MAP4K4: variants seen among roughly 807,000 people sequenced by gnomAD.
MAP4K4 encodes HPK/GCK-like kinase HGK.
In MAP4K4, 38 loss-of-function variants were observed where a neutral mutation model predicts 189.6. That is an observed-to-expected ratio of 0.20 (90% CI 0.15 to 0.26). The LOEUF is 0.26. Ranked by LOEUF, MAP4K4 falls within the 10% of genes least tolerant of loss-of-function variation. The pLI is 1.00. For missense variants in MAP4K4, 1,054 were observed against 1,726.9 expected (o/e 0.61, Z 6.91); for synonymous variants, 610 against 624.3 (o/e 0.98, Z 0.34).
At chr2:101,710,327 C>T (rs927573287) in intron 2 of MAP4K4, among the ~76,000 whole-genome samples, 15 of 152,214 alleles carry the variant, frequency 9.9e-5, no homozygotes, top group African/African-American at 3.6e-4. Flanking sequence ...CACATTTTCT[C>T]ATTTATTCTT....
chr2:101,814,094 C>A (rs1214273529), intron 3 of MAP4K4, among the ~76,000 whole-genome samples: 1 of 152,150 alleles, frequency 6.6e-6, no homozygotes, highest in African/African-American at 2.4e-5. Flanking sequence ...TTCTTCCACA[C>A]CCCAGTATTA....
exon 33 of MAP4K4, chr2:101,892,137 CAA>C (rs1258374689): frequency 1.3e-5 from 2 of 150,880 alleles, no homozygotes; most frequent in Admixed American, 6.6e-5. Context: ...AGACGTGCAA[CAA>C]AAGTTTTACC....
chr2:101,844,404 T>C (rs1478190436), intron 12 of MAP4K4, 93 bp downstream of exon 12: 2 of 1,016,842 alleles, frequency 2.0e-6, no homozygotes, highest in Non-Finnish European at 2.9e-6. Context: ...CTCTGTAGCT[T>C]CCTGGGGTAA....
At chr2:101,880,256 G>A (rs561474132) in intron 27 of MAP4K4, among the ~76,000 whole-genome samples, 56 of 152,126 alleles carry the variant, frequency 3.7e-4, no homozygotes, top group Admixed American at 1.1e-3. Flanking sequence ...TATCTAAAAA[G>A]TCATTGCCAA....
intron 2 of MAP4K4, among the ~76,000 whole-genome samples, chr2:101,769,727 G>T: frequency 6.6e-6 from 1 of 152,004 alleles, no homozygotes; most frequent in Non-Finnish European, 1.5e-5. Flanking sequence ...GGGATTACAG[G>T]TGCCCACCAC....
chr2:101,718,064 C>T (rs1334901423), intron 2 of MAP4K4, among the ~76,000 whole-genome samples: 2 of 152,064 alleles, frequency 1.3e-5, no homozygotes, highest in African/African-American at 4.8e-5. Flanking sequence ...CGAGACCAGC[C>T]TGACCAACAT....
At chr2:101,882,189 A>G (rs557686362) in intron 27 of MAP4K4, among the ~76,000 whole-genome samples, 3 of 152,352 alleles carry the variant, frequency 2.0e-5, no homozygotes, top group South Asian at 4.1e-4. Flanking sequence ...AATTCTAGAC[A>G]TACTGATAGG....
intron 3 of MAP4K4, among the ~76,000 whole-genome samples, chr2:101,809,133 A>G (rs973991939): frequency 4.6e-5 from 7 of 152,192 alleles, no homozygotes; most frequent in African/African-American, 7.2e-5. Flanking sequence ...TCTCAACTAC[A>G]TACTTCATGT....
intron 3 of MAP4K4, among the ~76,000 whole-genome samples, chr2:101,792,540 A>G (rs913602479): frequency 3.3e-5 from 5 of 152,092 alleles, no homozygotes; most frequent in African/African-American, 9.7e-5. Context: ...AGTGTAAAAT[A>G]TAGGAAAATA....
intron 8 of MAP4K4, among the ~76,000 whole-genome samples, chr2:101,834,854 T>C (rs1310191205): frequency 6.6e-6 from 1 of 152,240 alleles, no homozygotes; most frequent in Non-Finnish European, 1.5e-5. Flanking sequence ...GGCAAAACTT[T>C]ATTGATAGAA....
chr2:101,791,681 G>C (rs2092907280), intron 3 of MAP4K4, among the ~76,000 whole-genome samples: 1 of 152,154 alleles, frequency 6.6e-6, no homozygotes, highest in Non-Finnish European at 1.5e-5. Context: ...CTGATCTCTA[G>C]TGTGCTATCC....
At chr2:101,817,553 T>A (rs2095800710) in intron 3 of MAP4K4, among the ~76,000 whole-genome samples, 2 of 152,226 alleles carry the variant, frequency 1.3e-5, no homozygotes, top group Non-Finnish European at 2.9e-5. Flanking sequence ...ACATTATTTT[T>A]AGATACCAGC....
intron 10 of MAP4K4, among the ~76,000 whole-genome samples, chr2:101,841,174 C>G (rs2236931): frequency 0.61 from 93,502 of 152,072 alleles, 30,504 homozygotes; most frequent in African/African-American, 0.84. Context: ...CCCTTCCTTT[C>G]TCTTCAAGTC....
intron 15 of MAP4K4, 169 bp downstream of exon 15, chr2:101,860,033 A>G (rs2097589995): frequency 1.4e-6 from 1 of 693,636 alleles, no homozygotes; most frequent in African/African-American, 1.8e-5. Flanking sequence ...GGCCTTGCCC[A>G]AGGTTTCATA....
In MAP4K4 at chr2:101,836,207, A is replaced by G. The variant is rs138531244; in HGVS notation, c.773+229A>G. ...GTGACAAATGACCACATGAAACACT[A>G]TAACATGTCTAAAGACAAATGTTCC... is the stretch of plus-strand genomic sequence containing the variant. On this transcript the variant is annotated intron_variant, in intron 9 of 32. Transcript: ENST00000324219. 1.5e-3 allele frequency among the ~76,000 whole-genome samples: 223 copies of G among 152,332 alleles called. 1 individual carries two copies. Among genetic ancestry groups the G allele is most frequent in the African/African-American group, 5.0e-3 (207 of 41,568 alleles).
At chr2:101,796,742 G>A (rs1045366019) in intron 3 of MAP4K4, among the ~76,000 whole-genome samples, 10 of 152,166 alleles carry the variant, frequency 6.6e-5, no homozygotes, top group African/African-American at 2.4e-4. Flanking sequence ...CTTAGGGGTT[G>A]GGAAGATATT....
chr2:101,714,086 T>C (rs1032204223), intron 2 of MAP4K4, among the ~76,000 whole-genome samples: 1 of 152,174 alleles, frequency 6.6e-6, no homozygotes, highest in South Asian at 2.1e-4. Flanking sequence ...AGAGCATTGC[T>C]TCAAGGAACA....
exon 12 of MAP4K4, chr2:101,844,131 T>C (rs771413297): frequency 1.2e-6 from 2 of 1,612,576 alleles, no homozygotes; most frequent in South Asian, 1.1e-5. Context: ...GTGAGTCTAC[T>C]CTTCGCCGAG....
intron 16 of MAP4K4, among the ~76,000 whole-genome samples, chr2:101,863,216 C>G (rs2097716170): frequency 6.6e-6 from 1 of 152,016 alleles, no homozygotes; most frequent in Admixed American, 6.6e-5. Flanking sequence ...ATGGAGATAC[C>G]TGGGTTATGG....
Sources: gnomAD v4.1 joint callset for allele counts (sites outside exome capture counted in the v4.1 genomes callset) on GRCh38, gnomAD v4.1.1 for gene constraint, MANE v1.5 for transcripts, NCBI Gene and HGNC (gene_info 2026-07-23, HGNC 2026-07-21) for gene names.